NKAIN3: variants seen among roughly 807,000 people sequenced by gnomAD.
NKAIN3 encodes the protein sodium/potassium-transporting ATPase subunit beta-1-interacting protein 3.
NKAIN3 carries 25 observed loss-of-function variants against 30.2 expected under a neutral mutation model. The ratio of observed to expected loss-of-function variants is 0.83; its 90% CI spans 0.60 to 1.16. The LOEUF (loss-of-function observed/expected upper bound fraction) is 1.16, where lower values mean the gene tolerates loss of function less well. Among genes scored for constraint, NKAIN3 ranks in the 50% most tolerant of loss-of-function variants. The pLI is 0.00. For missense variants in NKAIN3, 225 were observed against 254.1 expected (o/e 0.89, Z 0.78); for synonymous variants, 91 against 89.6 (o/e 1.02, Z -0.09).
At chr8:62,257,406 C>G (rs931618149) in intron 1 of NKAIN3, among the ~76,000 whole-genome samples, 3 of 152,086 alleles carry the variant, frequency 2.0e-5, no homozygotes, top group Non-Finnish European at 4.4e-5. Flanking sequence ...TACGCTGAAA[C>G]CTAATTTGTT....
intron 4 of NKAIN3, among the ~76,000 whole-genome samples, chr8:62,885,183 T>C (rs1285320400): frequency 6.6e-6 from 1 of 152,256 alleles, no homozygotes; most frequent in Non-Finnish European, 1.5e-5. Context: ...TGTTTTATTT[T>C]TATTTTCATT....
chr8:62,806,189 C>G (rs1241584245), intron 4 of NKAIN3, among the ~76,000 whole-genome samples: 2 of 152,176 alleles, frequency 1.3e-5, no homozygotes, highest in African/African-American at 4.8e-5. Context: ...AATAGGAACA[C>G]TTTTACACTG....
intron 4 of NKAIN3, among the ~76,000 whole-genome samples, chr8:62,807,178 A>C (rs1563571800): frequency 6.6e-6 from 1 of 152,222 alleles, no homozygotes; most frequent in Admixed American, 6.5e-5. Context: ...TTTCAAGCGA[A>C]TAGAAAATAC....
chr8:62,336,621 C>T (rs1815560999), intron 1 of NKAIN3, among the ~76,000 whole-genome samples: 1 of 151,906 alleles, frequency 6.6e-6, no homozygotes, highest in African/African-American at 2.4e-5. Context: ...ACAGCAACAC[C>T]ACACCCCCAG....
At chr8:62,800,792 G>A (rs571753464) in intron 4 of NKAIN3, among the ~76,000 whole-genome samples, 32 of 151,232 alleles carry the variant, frequency 2.1e-4, no homozygotes, top group African/African-American at 5.8e-4. Flanking sequence ...TGCACCATGC[G>A]CAAGCTGAAG....
chr8:62,919,981 T>A (rs1207996241), intron 5 of NKAIN3, among the ~76,000 whole-genome samples: 1 of 150,292 alleles, frequency 6.7e-6, no homozygotes, highest in East Asian at 2.1e-4. Flanking sequence ...ATGACAACAC[T>A]TTTCATTTTG....
chr8:62,801,738 C>G (rs1170985480), intron 4 of NKAIN3, among the ~76,000 whole-genome samples: 2 of 152,226 alleles, frequency 1.3e-5, no homozygotes, highest in African/African-American at 4.8e-5. Flanking sequence ...GAACGCAGTT[C>G]CTCACCAGCA....
At chr8:62,959,114 C>T (rs914682986) in intron 6 of NKAIN3, among the ~76,000 whole-genome samples, 3 of 152,176 alleles carry the variant, frequency 2.0e-5, no homozygotes, top group African/African-American at 7.2e-5. Flanking sequence ...TTGCTACATG[C>T]TAGGTGGCCA....
intron 4 of NKAIN3, among the ~76,000 whole-genome samples, chr8:62,821,993 G>A (rs1818863140): frequency 6.6e-6 from 1 of 151,974 alleles, no homozygotes; most frequent in African/African-American, 2.4e-5. Flanking sequence ...TATAGAGGGT[G>A]ATGGGCAAAG....
chr8:62,669,913 T>C (rs759382535), intron 3 of NKAIN3, among the ~76,000 whole-genome samples: 15 of 152,220 alleles, frequency 9.9e-5, no homozygotes, highest in Non-Finnish European at 2.2e-4. Context: ...ATTTTTAAAA[T>C]GATATATTTT....
intron 3 of NKAIN3, among the ~76,000 whole-genome samples, chr8:62,648,907 G>C (rs1812547246): frequency 6.6e-6 from 1 of 152,136 alleles, no homozygotes; most frequent in Non-Finnish European, 1.5e-5. Context: ...ACAGAGGGTG[G>C]TGTTGGGAGA....
chr8:62,520,628 ATAAT>A (rs1204797355), intron 1 of NKAIN3, among the ~76,000 whole-genome samples: 1 of 152,242 alleles, frequency 6.6e-6, no homozygotes, highest in Non-Finnish European at 1.5e-5. Flanking sequence ...TGTTTCAAAC[ATAAT>A]TAAAGTATTT....
At chr8:62,743,400 G>A (rs139601983) in intron 3 of NKAIN3, among the ~76,000 whole-genome samples, 99 of 152,158 alleles carry the variant, frequency 6.5e-4, no homozygotes, top group Middle Eastern at 3.4e-3. Flanking sequence ...TTTTTTCCCC[G>A]TTGAAAGGGT....
At chr8:62,767,096 C>G (rs1458134569) in intron 4 of NKAIN3, among the ~76,000 whole-genome samples, 1 of 152,104 alleles carries the variant, frequency 6.6e-6, no homozygotes, top group African/African-American at 2.4e-5. Flanking sequence ...ACCTCAATTC[C>G]CTTTTAGTTA....
At chr8:62,793,632 G>A (rs1328392545) in intron 4 of NKAIN3, among the ~76,000 whole-genome samples, 1 of 152,140 alleles carries the variant, frequency 6.6e-6, no homozygotes, top group Non-Finnish European at 1.5e-5. Context: ...GAGGGTGGAT[G>A]GGACCACTTC....
At chr8:62,295,450 A>G (rs1813794766) in intron 1 of NKAIN3, among the ~76,000 whole-genome samples, 1 of 152,202 alleles carries the variant, frequency 6.6e-6, no homozygotes, top group Non-Finnish European at 1.5e-5. Context: ...CTGACCTCAC[A>G]TCATGGTTTG....
At chr8:62,608,961 G>C (rs1811206334) in intron 3 of NKAIN3, among the ~76,000 whole-genome samples, 1 of 152,140 alleles carries the variant, frequency 6.6e-6, no homozygotes, top group Non-Finnish European at 1.5e-5. Context: ...TGTTAGACTA[G>C]AATATAATAA....
intron 3 of NKAIN3, among the ~76,000 whole-genome samples, chr8:62,590,711 G>T (rs1810625527): frequency 6.6e-6 from 1 of 151,830 alleles, no homozygotes; most frequent in Non-Finnish European, 1.5e-5. Context: ...GAATTCTTAG[G>T]TTCCATTGAA....
chr8:62,700,686 C>G (rs539057750), intron 3 of NKAIN3, among the ~76,000 whole-genome samples: 1 of 152,228 alleles, frequency 6.6e-6, no homozygotes, highest in South Asian at 2.1e-4. Context: ...TGCAGCGAAG[C>G]TGTATTTACT....
Sources: gnomAD v4.1 joint callset for allele counts (sites outside exome capture counted in the v4.1 genomes callset) on GRCh38, gnomAD v4.1.1 for gene constraint, MANE v1.5 for transcripts, NCBI Gene and HGNC (gene_info 2026-07-23, HGNC 2026-07-21) for gene names.